TMEM132B: variants seen among roughly 807,000 people sequenced by gnomAD.
TMEM132B encodes transmembrane protein 132B.
TMEM132B carries 18 observed loss-of-function variants against 90.8 expected under a neutral mutation model. The observed-to-expected ratio is 0.20, with a 90% CI of 0.14 to 0.29. The LOEUF is 0.29. Among genes scored for constraint, TMEM132B ranks in the 10% least tolerant of loss-of-function variants. The pLI, the probability that TMEM132B is intolerant of heterozygous loss-of-function variation, is 1.00. For synonymous variants in TMEM132B, 504 were observed against 523.3 expected, an observed-to-expected ratio of 0.96 and a Z score of 0.50; for missense variants, 1,096 against 1,326.8, an observed-to-expected ratio of 0.83 and a Z score of 2.70.
At chr12:125,542,017 C>T (rs1455600539) in intron 4 of TMEM132B, among the ~76,000 whole-genome samples, 5 of 143,128 alleles carry the variant, frequency 3.5e-5, no homozygotes, top group Non-Finnish European at 7.6e-5. Context: ...AGAGCAAAAC[C>T]CCCGTCTCAA....
At chr12:125,513,338 G>A (rs2136638032) in intron 3 of TMEM132B, among the ~76,000 whole-genome samples, 1 of 152,246 alleles carries the variant, frequency 6.6e-6, no homozygotes, top group African/African-American at 2.4e-5. Flanking sequence ...GTGTGCGTGT[G>A]CCTGTGTGCG....
intron 5 of TMEM132B, among the ~76,000 whole-genome samples, chr12:125,596,208 T>C (rs1212489946): frequency 1.3e-5 from 2 of 152,310 alleles, no homozygotes; most frequent in East Asian, 3.9e-4. Context: ...TAAACGGATA[T>C]GGACTTTCAG....
chr12:125,505,934 G>A (rs1882836552), intron 3 of TMEM132B, among the ~76,000 whole-genome samples: 1 of 152,222 alleles, frequency 6.6e-6, no homozygotes, highest in African/African-American at 2.4e-5. Flanking sequence ...AAATATATTT[G>A]AAGAGGTAAT....
chr12:125,402,756 G>A (rs1294238304), intron 2 of TMEM132B, among the ~76,000 whole-genome samples: 1 of 152,192 alleles, frequency 6.6e-6, no homozygotes, highest in African/African-American at 2.4e-5. Context: ...TTATCAACAA[G>A]TGGTTTCTTG....
At chr12:125,530,206 T>C (rs1002624704) in intron 4 of TMEM132B, among the ~76,000 whole-genome samples, 1 of 152,162 alleles carries the variant, frequency 6.6e-6, no homozygotes, top group African/African-American at 2.4e-5. Context: ...CTAAAAACTG[T>C]TATATTCTGC....
At chr12:125,502,999 A>G (rs1687805381) in intron 3 of TMEM132B, among the ~76,000 whole-genome samples, 1 of 152,170 alleles carries the variant, frequency 6.6e-6, no homozygotes, top group Non-Finnish European at 1.5e-5. Context: ...CAGATCTCAG[A>G]CCATGTGTTC....
chr12:125,239,306 C>T (rs557645916), intron 1 of TMEM132B, among the ~76,000 whole-genome samples: 1 of 152,282 alleles, frequency 6.6e-6, no homozygotes, highest in Non-Finnish European at 1.5e-5. Flanking sequence ...GGCTAAGGCT[C>T]TCTGGCCTTG....
chr12:125,335,102 T>C (rs544036505), intron 1 of TMEM132B, among the ~76,000 whole-genome samples: 14 of 152,324 alleles, frequency 9.2e-5, no homozygotes, highest in Admixed American at 9.1e-4. Context: ...ACTTGTGTTT[T>C]GAACACAGTA....
chr12:125,188,952 C>T (rs1957779080), intron 1 of TMEM132B, among the ~76,000 whole-genome samples: 1 of 151,668 alleles, frequency 6.6e-6, no homozygotes, highest in South Asian at 2.1e-4. Flanking sequence ...CCAGAGCTTC[C>T]TTCAGGGCTG....
intron 3 of TMEM132B, among the ~76,000 whole-genome samples, chr12:125,442,719 G>A (rs1028383170): frequency 6.6e-6 from 1 of 152,204 alleles, no homozygotes; most frequent in Non-Finnish European, 1.5e-5. Flanking sequence ...CCAGGATGAC[G>A]GCAGGTGTGT....
At chr12:125,306,044 C>T (rs1387775947) in intron 1 of TMEM132B, among the ~76,000 whole-genome samples, 7 of 152,264 alleles carry the variant, frequency 4.6e-5, no homozygotes, top group Middle Eastern at 3.4e-3. Context: ...GGAATGTTAC[C>T]GATAGGCCCC....
chr12:125,271,179 C>T lies in TMEM132B; in HGVS notation c.68-78273C>T, dbSNP rs552954029. ...AGAAGGAGACTCACTATGTCGCCTA[C>T]GCTGGTCTCAAACTCTTGGCCTCAA... On this transcript the variant is annotated intron_variant, in intron 1 of 8. Coordinates refer to ENST00000682704, the MANE Select transcript of TMEM132B (RefSeq NM_001366854.1). Among the ~76,000 whole-genome samples the T allele has an allele frequency of 9.9e-5, 15 of 152,174 alleles. No individual in the cohort carries two copies. The East Asian group carries it at 1.2e-3, about 12-fold the overall frequency.
intron 3 of TMEM132B, among the ~76,000 whole-genome samples, chr12:125,457,610 G>A (rs1208570303): frequency 6.6e-6 from 1 of 152,200 alleles, no homozygotes; most frequent in African/African-American, 2.4e-5. Flanking sequence ...ACATCCCACT[G>A]GGAGGCTGGG....
intron 2 of TMEM132B, among the ~76,000 whole-genome samples, chr12:125,366,785 G>C (rs954547418): frequency 2.0e-5 from 3 of 152,038 alleles, no homozygotes; most frequent in African/African-American, 7.2e-5. Flanking sequence ...CTCTGCATCT[G>C]GAATGTCAAT....
At chr12:125,575,057 C>CATATATATATATATAT (rs147688714) in intron 4 of TMEM132B, among the ~76,000 whole-genome samples, 556 of 43,808 alleles carry the variant, frequency 0.013, 95 homozygotes, top group East Asian at 0.019. Flanking sequence ...TATTAGCTGT[C>CATATATATATATATAT]ATATATATAT....
At chr12:125,499,202 T>C (rs1269470660) in intron 3 of TMEM132B, among the ~76,000 whole-genome samples, 1 of 152,246 alleles carries the variant, frequency 6.6e-6, no homozygotes, top group Non-Finnish European at 1.5e-5. Context: ...TTTGATCTTA[T>C]ATCTCTAGCT....
intron 2 of TMEM132B, among the ~76,000 whole-genome samples, chr12:125,358,051 T>C (rs141981781): frequency 1.3e-5 from 2 of 152,310 alleles, no homozygotes; most frequent in East Asian, 3.9e-4. Flanking sequence ...TCGCCTATTA[T>C]ATGTGGCATA....
intron 4 of TMEM132B, among the ~76,000 whole-genome samples, chr12:125,521,967 G>A (rs765745931): frequency 1.3e-5 from 2 of 152,266 alleles, no homozygotes; most frequent in South Asian, 2.1e-4. Flanking sequence ...CCATTATCTT[G>A]CTTGTTTTAT....
chr12:125,623,138 A>C (rs1468961859), intron 5 of TMEM132B, among the ~76,000 whole-genome samples: 1 of 152,208 alleles, frequency 6.6e-6, no homozygotes, highest in Non-Finnish European at 1.5e-5. Flanking sequence ...TCACCAGATC[A>C]TCAACGCCCA....
Sources: allele counts gnomAD v4.1 joint callset (sites outside exome capture counted in the v4.1 genomes callset), GRCh38; gene constraint gnomAD v4.1.1; transcripts MANE v1.5; gene names NCBI Gene and HGNC (gene_info 2026-07-23, HGNC 2026-07-21).